POU2F1: variants seen among roughly 807,000 people sequenced by gnomAD.
POU2F1 encodes the protein POU domain, class 2, transcription factor 1.
A neutral mutation model predicts 84.9 loss-of-function variants in POU2F1; 16 were observed. The ratio of observed to expected loss-of-function variants is 0.19; its 90% CI spans 0.13 to 0.29. POU2F1 has a LOEUF of 0.29. POU2F1 is among the 10% of genes least tolerant of loss of function. POU2F1 has a pLI of 1.00. For missense variants in POU2F1, 738 were observed against 942.6 expected (o/e 0.78, Z 2.84); for synonymous variants, 368 against 368.3 (o/e 1.00, Z 0.01).
intron 1 of POU2F1, among the ~76,000 whole-genome samples, chr1:167,328,354 G>T (rs113358238): frequency 3.3e-5 from 5 of 152,246 alleles, no homozygotes; most frequent in African/African-American, 1.2e-4. Flanking sequence ...CTGTTGCCTC[G>T]TTTTAAAGTG....
At chr1:167,391,915 G>T (rs1571428887) in intron 9 of POU2F1, among the ~76,000 whole-genome samples, 1 of 152,208 alleles carries the variant, frequency 6.6e-6, no homozygotes, top group South Asian at 2.1e-4. Context: ...TTGTGTTGGG[G>T]AATATGTAAT....
intron 1 of POU2F1, among the ~76,000 whole-genome samples, chr1:167,316,183 A>G (rs559820348): frequency 6.6e-6 from 1 of 152,206 alleles, no homozygotes; most frequent in Non-Finnish European, 1.5e-5. Flanking sequence ...TGCACATGTG[A>G]CATTAAAATG....
chr1:167,415,859 T>C lies in POU2F1; in HGVS notation c.*49T>C, dbSNP rs367761426. On this transcript the variant is annotated 3_prime_UTR_variant, in exon 16 of 16. Transcript: ENST00000367866. ...AAGCCTTTTTCACTCTGCAGTGTGA[T>C]TGGACTGCCAGCCAGGTTAATAAAC... 69 of 1,543,870 alleles carry C rather than the reference T, an allele frequency of 4.5e-5. No homozygotes were observed. In the African/African-American group the frequency reaches 6.6e-4, roughly 15 times the overall value.
At chr1:167,351,741 G>T (rs1658598376) in intron 2 of POU2F1, among the ~76,000 whole-genome samples, 1 of 152,050 alleles carries the variant, frequency 6.6e-6, no homozygotes. Flanking sequence ...CAGAGCTAGA[G>T]AGGAGGGTGA....
chr1:167,396,523 G>A, intron 10 of POU2F1, 96 bp downstream of exon 10: 4 of 1,302,520 alleles, frequency 3.1e-6, no homozygotes, highest in South Asian at 1.4e-5. Context: ...CTCTATTTTT[G>A]TTGTTACAGA....
intron 12 of POU2F1, among the ~76,000 whole-genome samples, chr1:167,400,579 C>T (rs948546237): frequency 2.6e-5 from 4 of 152,216 alleles, no homozygotes; most frequent in African/African-American, 9.6e-5. Flanking sequence ...TTTGAAACAA[C>T]ATATGATCCT....
At chr1:167,364,769 A>G (rs1032880709) in intron 2 of POU2F1, among the ~76,000 whole-genome samples, 3 of 151,528 alleles carry the variant, frequency 2.0e-5, no homozygotes, top group African/African-American at 7.3e-5. Context: ...GGGTTTCACC[A>G]TGCTGCCCAA....
chr1:167,409,987 G>T (rs377631469), intron 13 of POU2F1, among the ~76,000 whole-genome samples: 1 of 152,074 alleles, frequency 6.6e-6, no homozygotes, highest in Non-Finnish European at 1.5e-5. Flanking sequence ...AGATTAAAGC[G>T]AAAAAGGGTA....
At chr1:167,287,030 G>T (rs925672847) in intron 1 of POU2F1, among the ~76,000 whole-genome samples, 3 of 152,132 alleles carry the variant, frequency 2.0e-5, no homozygotes, top group African/African-American at 7.2e-5. Context: ...GGATCTTCTC[G>T]AGAAAAGGCT....
In POU2F1 at chr1:167,302,506, C is replaced by G. The variant is rs532358145; in HGVS notation, c.62-29964C>G. Among the ~76,000 whole-genome samples the G allele has an allele frequency of 1.8e-3, 267 of 152,244 alleles. 1 individual carries two copies. The highest frequency in any genetic ancestry group is 3.4e-3 in the Middle Eastern group (1 of 294). The stretch of plus-strand genomic sequence containing the variant: ...TCTCCTGACCTCGTGATTCGCCTGC[C>G]TTGGCCTCCCAAGGTACTAGGATTA... On this transcript the variant is annotated intron_variant, in intron 1 of 15. Transcript: ENST00000367866.
At chr1:167,371,221 G>A (rs1300163586) in intron 4 of POU2F1, among the ~76,000 whole-genome samples, 2 of 152,200 alleles carry the variant, frequency 1.3e-5, no homozygotes, top group African/African-American at 4.8e-5. Context: ...CTCCAGTGCA[G>A]AATGTTTACA....
At chr1:167,240,362 G>A (rs560789838) in intron 1 of POU2F1, among the ~76,000 whole-genome samples, 41 of 152,166 alleles carry the variant, frequency 2.7e-4, no homozygotes, top group Admixed American at 6.5e-4. Context: ...CTTTGGTAGG[G>A]CAGTGAAGAA....
At chr1:167,313,647 C>T (rs1042233814) in intron 1 of POU2F1, among the ~76,000 whole-genome samples, 1 of 151,962 alleles carries the variant, frequency 6.6e-6, no homozygotes, top group East Asian at 1.9e-4. Context: ...CATAAAAAAA[C>T]AAAACAGAAG....
intron 8 of POU2F1, among the ~76,000 whole-genome samples, chr1:167,384,772 T>C (rs972464861): frequency 2.0e-5 from 3 of 152,020 alleles, no homozygotes; most frequent in African/African-American, 7.2e-5. Flanking sequence ...AACTGAATAC[T>C]TTCCCCCTAA....
chr1:167,294,563 A>G (rs1479598093), intron 1 of POU2F1, among the ~76,000 whole-genome samples: 1 of 152,196 alleles, frequency 6.6e-6, no homozygotes, highest in South Asian at 2.1e-4. Context: ...AACTCAAACA[A>G]ATAAGCAGGA....
intron 2 of POU2F1, among the ~76,000 whole-genome samples, chr1:167,357,706 G>A (rs1278558759): frequency 6.6e-6 from 1 of 151,340 alleles, no homozygotes; most frequent in Non-Finnish European, 1.5e-5. Flanking sequence ...TATCATAAGT[G>A]GATATTGTAT....
At chr1:167,338,133 C>T (rs983103307) in intron 2 of POU2F1, 41 of 465,810 alleles carry the variant, frequency 8.8e-5, no homozygotes, top group Admixed American at 4.2e-4. Flanking sequence ...CCTGCCTCCC[C>T]TTCCAGCTTT....
chr1:167,353,246 A>G (rs1658698106), intron 2 of POU2F1, among the ~76,000 whole-genome samples: 2 of 152,002 alleles, frequency 1.3e-5, no homozygotes, highest in Non-Finnish European at 2.9e-5. Context: ...GTTTTCTGAA[A>G]ATATCTGCCT....
intron 1 of POU2F1, among the ~76,000 whole-genome samples, chr1:167,296,996 T>A (rs542004569): frequency 6.6e-6 from 1 of 152,304 alleles, no homozygotes; most frequent in South Asian, 2.1e-4. Flanking sequence ...GGTATGCTTA[T>A]ATAACTAAGA....
Sources: gnomAD v4.1 joint callset for allele counts (sites outside exome capture counted in the v4.1 genomes callset) on GRCh38, gnomAD v4.1.1 for gene constraint, MANE v1.5 for transcripts, NCBI Gene and HGNC (gene_info 2026-07-23, HGNC 2026-07-21) for gene names.